BRWD1: variants seen among roughly 807,000 people sequenced by gnomAD.
BRWD1 encodes bromodomain and WD repeat domain containing 1, also known as bromodomain and WD repeat-containing protein 1.
A neutral mutation model predicts 251.2 loss-of-function variants in BRWD1; 82 were observed. That is an observed-to-expected ratio of 0.33 (90% CI 0.27 to 0.39). BRWD1 has a LOEUF of 0.39. BRWD1 is among the 10% of genes least tolerant of loss of function. The probability of loss-of-function intolerance (pLI) is 1.00; values close to 1 mark genes in which losing one functional copy is unlikely to be tolerated. For synonymous variants in BRWD1, 918 were observed against 902.8 expected, an observed-to-expected ratio of 1.02 and a Z score of -0.30; for missense variants, 2,233 against 2,711.6, an observed-to-expected ratio of 0.82 and a Z score of 3.92.
Position 39,188,105 on chromosome 21 carries a change from GT to G in BRWD1, c.*8153del. ...ACCAAACTTAGGAGGGCTCAGATAT[GT>G]TTGTTACCAGTGTCTCAAAGCCAAA... is the stretch of plus-strand genomic sequence containing the variant. On this transcript the variant is annotated 3_prime_UTR_variant, in exon 41 of 41. Transcript: ENST00000342449. 1.0e-6 allele frequency: 1 copy of G among 985,418 alleles called. No individual in the cohort carries two copies. The highest frequency in any genetic ancestry group is 1.2e-6 in the Non-Finnish European group (1 of 829,914). 61.0% of individuals were successfully genotyped at this position (985,418 alleles called of 1,614,324 possible).
chr21:39,188,112 A>C lies in BRWD1; in HGVS notation c.*8147T>G. The C allele has an allele frequency of 1.0e-6, 1 of 985,414 alleles. No homozygotes were observed. The highest frequency in any genetic ancestry group is 1.2e-6 in the Non-Finnish European group (1 of 829,918). 61.0% of individuals were successfully genotyped at this position (985,414 alleles called of 1,614,324 possible). A position where few individuals can be genotyped will look rare whatever the true frequency, so the allele number is the denominator to read the frequency against. ...TTAGGAGGGCTCAGATATGTTTGTT[A>C]CCAGTGTCTCAAAGCCAAATTTTCA... On this transcript the variant is annotated 3_prime_UTR_variant, in exon 41 of 41. Transcript: ENST00000342449.
Position 39,190,396 on chromosome 21 carries a change from T to C in BRWD1, c.*5863A>G, listed in dbSNP as rs1394154378. 33 of 985,114 alleles carry C rather than the reference T, an allele frequency of 3.3e-5. No homozygotes were observed. Among genetic ancestry groups the C allele is most frequent in the Non-Finnish European group, 3.9e-5 (32 of 829,784 alleles). The allele number at this position is 985,114 out of a possible 1,614,324, so 61.0% of individuals were successfully genotyped here. On this transcript the variant is annotated 3_prime_UTR_variant, in exon 41 of 41. Coordinates refer to ENST00000342449, the MANE Select transcript of BRWD1 (RefSeq NM_033656.4). The stretch of plus-strand genomic sequence containing the variant: ...GGAGCATTTAAAACAGATTTGAGAA[T>C]GAGAAAAGAATGTCTGACTCAAAAT...
In BRWD1 at chr21:39,188,219, G is replaced by C. The variant is rs2031354320; in HGVS notation, c.*8040C>G. 1 of 985,408 alleles carries C rather than the reference G, an allele frequency of 1.0e-6. No individual in the cohort carries two copies. The highest frequency in any genetic ancestry group is 1.7e-5 in the African/African-American group (1 of 57,360). 61.0% of individuals were successfully genotyped at this position (985,408 alleles called of 1,614,324 possible). A position where few individuals can be genotyped will look rare whatever the true frequency, so the allele number is the denominator to read the frequency against. On this transcript the variant is annotated 3_prime_UTR_variant, in exon 41 of 41. Transcript: ENST00000342449. ...ACGTATCTGAAGTTCACGGGCCCTT[G>C]AATTTTAGGTCTTTCTTGCAGCCAT...
chr21:39,218,351 G>C, intron 30 of BRWD1, 79 bp from the exon 31 acceptor site: 1 of 1,503,128 alleles, frequency 6.7e-7, no homozygotes, highest in Non-Finnish European at 8.9e-7. Flanking sequence ...TCATTCATAA[G>C]ATATGGCTAC....
intron 4 of BRWD1, among the ~76,000 whole-genome samples, chr21:39,303,749 G>A (rs2036195579): frequency 6.6e-6 from 1 of 151,828 alleles, no homozygotes; most frequent in Non-Finnish European, 1.5e-5. Flanking sequence ...CTTGAGCCCA[G>A]GAGGCTGAGG....
chr21:39,258,378 A>G (rs943660529), intron 18 of BRWD1, 109 bp downstream of exon 18: 5 of 960,268 alleles, frequency 5.2e-6, no homozygotes, highest in African/African-American at 1.7e-5. Flanking sequence ...TTGTAAAAAT[A>G]CATTGTTTAC....
Position 39,202,563 on chromosome 21 carries a change from C to G in BRWD1, c.4365-18G>C, listed in dbSNP as rs772527049. On this transcript the variant is annotated intron_variant, in intron 37 of 40. Transcript: ENST00000342449. Reference sequence around the variant, plus strand: ...TGAGGTTTCTGGCCAAACATATGAACAAAGGAAACAGTATTTAACAAAATA... The same window carrying G: ...TGAGGTTTCTGGCCAAACATATGAAGAAAGGAAACAGTATTTAACAAAATA... 1.3e-6 allele frequency: 2 copies of G among 1,560,018 alleles called. No homozygotes were observed. The highest frequency in any genetic ancestry group is 4.5e-5 in the East Asian group (2 of 44,162).
chr21:39,272,920 A>C (rs1229527289), intron 13 of BRWD1, among the ~76,000 whole-genome samples: 1 of 152,172 alleles, frequency 6.6e-6, no homozygotes, highest in Non-Finnish European at 1.5e-5. Flanking sequence ...CCACAAATTA[A>C]TAACTTTGAA....
rs182250634 is a variant in BRWD1 at position 39,228,591 on chromosome 21, A to C, written c.3126-9T>G. 2.4e-4 allele frequency: 371 copies of C among 1,566,722 alleles called. No homozygotes were observed. The African/African-American group carries it at 4.3e-3, about 18-fold the overall frequency. ...CTGGCATATCATGATATCTAGACAA[A>C]AATTTAAAAAATTGTTAAACTCTCT... On this transcript the variant is annotated splice_polypyrimidine_tract_variant and intron_variant, in intron 26 of 40. Coordinates refer to ENST00000342449, the MANE Select transcript of BRWD1 (RefSeq NM_033656.4).
intron 21 of BRWD1, among the ~76,000 whole-genome samples, chr21:39,243,796 A>T (rs534453947): frequency 6.6e-6 from 1 of 152,190 alleles, no homozygotes; most frequent in East Asian, 1.9e-4. Context: ...TACACAAGGA[A>T]ATATGTAGAT....
intron 38 of BRWD1, among the ~76,000 whole-genome samples, chr21:39,200,753 A>G (rs1480805774): frequency 4.6e-5 from 7 of 152,184 alleles, no homozygotes; most frequent in Non-Finnish European, 1.0e-4. Context: ...TGGGAGGCTG[A>G]GGTGGGTGGA....
At chr21:39,198,651 CAA>C in intron 40 of BRWD1, 110 bp downstream of exon 40, 1 of 871,182 alleles carries the variant, frequency 1.1e-6, no homozygotes, top group East Asian at 2.7e-5. Flanking sequence ...AGAGAAACAG[CAA>C]AGAGAAAAAA....
chr21:39,264,832 TTTCC>T, intron 16 of BRWD1, 55 bp downstream of exon 16: 2 of 1,581,508 alleles, frequency 1.3e-6, no homozygotes, highest in Non-Finnish European at 1.7e-6. Flanking sequence ...TAACTACTTA[TTTCC>T]AAAACACAGC....
chr21:39,272,782 A>ATT (rs1034725196), intron 13 of BRWD1, among the ~76,000 whole-genome samples: 1 of 149,132 alleles, frequency 6.7e-6, no homozygotes, highest in Non-Finnish European at 1.5e-5. Context: ...TAATTTTTCT[A>ATT]TTTTTTTTTA....
intron 15 of BRWD1, among the ~76,000 whole-genome samples, chr21:39,268,998 G>A (rs1383721093): frequency 6.6e-6 from 1 of 151,218 alleles, no homozygotes; most frequent in Non-Finnish European, 1.5e-5. Flanking sequence ...AAAAAGAAAA[G>A]AAAAAGAAAA....
intron 1 of BRWD1, among the ~76,000 whole-genome samples, chr21:39,319,938 C>T (rs979564969): frequency 5.3e-5 from 8 of 152,114 alleles, no homozygotes; most frequent in South Asian, 4.1e-4. Flanking sequence ...CTTTTAAAAA[C>T]CTTAAGTGCA....
rs1568848349 is a variant in BRWD1, at chr21:39,192,939, A to T, written c.*3320T>A. ...TTTTCTGATTCTTCTACAAAAAAAA[A>T]AGTCTAGAAGACAGAGGGAATGTAG... On this transcript the variant is annotated 3_prime_UTR_variant, in exon 41 of 41. Coordinates refer to ENST00000342449, the MANE Select transcript of BRWD1 (RefSeq NM_033656.4). 1 of 984,190 alleles carries T rather than the reference A, an allele frequency of 1.0e-6. No homozygotes were observed. Among genetic ancestry groups the T allele is most frequent in the African/African-American group, 1.7e-5 (1 of 57,176 alleles). 61.0% of individuals were successfully genotyped at this position (984,190 alleles called of 1,614,324 possible).
At chr21:39,259,127 G>C (rs2034657566) in intron 17 of BRWD1, among the ~76,000 whole-genome samples, 1 of 152,144 alleles carries the variant, frequency 6.6e-6, no homozygotes, top group Non-Finnish European at 1.5e-5. Context: ...AGGGAGGTAA[G>C]ACCTTTTTTA....
Position 39,202,346 on chromosome 21 carries a change from T to C in BRWD1, c.4564A>G (p.Thr1522Ala). Residue 1522 changes from threonine to alanine, a missense_variant, in exon 38 of 41, where the codon ACA (threonine) becomes GCA (alanine). Physicochemically the swap from Thr to Ala is moderately conservative, Grantham distance 58. This residue lies in a region of BRWD1 where 928 missense variants were observed against 970.0 expected (regional missense o/e 0.96). Coordinates refer to ENST00000342449, the MANE Select transcript of BRWD1 (RefSeq NM_033656.4). ...TCACCAGATAATGTAGAACCATTTG[T>C]TATAGGTCTATTTCTTTTCCTCCTT... ...SERRKRNRPI[T>A]NGSTLSESEV... The C allele has an allele frequency of 6.2e-7, 1 of 1,612,758 alleles. No homozygotes were observed. The highest frequency in any genetic ancestry group is 8.5e-7 in the Non-Finnish European group (1 of 1,179,010).
Sources: allele counts gnomAD v4.1 joint callset (sites outside exome capture counted in the v4.1 genomes callset), GRCh38; gene constraint gnomAD v4.1.1; regional missense constraint gnomAD v4.1.1; transcripts MANE v1.5; gene names NCBI Gene and HGNC (gene_info 2026-07-23, HGNC 2026-07-21).